ANO4: variants seen among roughly 807,000 people sequenced by gnomAD.
ANO4 encodes anoctamin 4, also known as anoctamin-4.
ANO4 carries 69 observed loss-of-function variants against 141.9 expected under a neutral mutation model. The ratio of observed to expected loss-of-function variants is 0.49; its 90% CI spans 0.40 to 0.59. The LOEUF is 0.59. Among genes scored for constraint, ANO4 ranks in the 20% least tolerant of loss-of-function variants. The probability of loss-of-function intolerance (pLI) is 0.00; values close to 1 mark genes in which losing one functional copy is unlikely to be tolerated. For synonymous variants in ANO4, 350 were observed against 394.3 expected (o/e 0.89, Z 1.33); for missense variants, 894 against 1,162.2 (o/e 0.77, Z 3.36).
chr12:100,974,352 A>G (rs942617306), intron 6 of ANO4, among the ~76,000 whole-genome samples: 1 of 151,334 alleles, frequency 6.6e-6, no homozygotes, highest in Non-Finnish European at 1.5e-5. Context: ...TGTGAAATAC[A>G]TATATATATA....
At chr12:100,833,030 A>G (rs1231377624) in intron 1 of ANO4, among the ~76,000 whole-genome samples, 1 of 152,148 alleles carries the variant, frequency 6.6e-6, no homozygotes, top group African/African-American at 2.4e-5. Context: ...AAGTAAAATA[A>G]GCATATTTAA....
At chr12:101,056,783 A>T (rs1469729858) in intron 14 of ANO4, among the ~76,000 whole-genome samples, 3 of 151,706 alleles carry the variant, frequency 2.0e-5, no homozygotes, top group African/African-American at 7.3e-5. Flanking sequence ...TGAGGGTTTT[A>T]AAAATCATGA....
At chr12:100,861,115 T>G (rs2038450816) in intron 1 of ANO4, among the ~76,000 whole-genome samples, 1 of 152,166 alleles carries the variant, frequency 6.6e-6, no homozygotes, top group Non-Finnish European at 1.5e-5. Flanking sequence ...TGCTGATTGG[T>G]CCGTTTTAGA....
At chr12:100,813,834 A>G (rs773149032) in intron 1 of ANO4, among the ~76,000 whole-genome samples, 1 of 152,228 alleles carries the variant, frequency 6.6e-6, no homozygotes, top group Non-Finnish European at 1.5e-5. Context: ...CTATAAGCTT[A>G]TGATGAAGTC....
chr12:101,075,754 A>T (rs1227675697), intron 14 of ANO4, among the ~76,000 whole-genome samples: 2 of 149,952 alleles, frequency 1.3e-5, no homozygotes, highest in Non-Finnish European at 3.0e-5. Flanking sequence ...TAACAAAAAT[A>T]TGTATAGCAT....
intron 17 of ANO4, among the ~76,000 whole-genome samples, chr12:101,088,568 C>G (rs1433491853): frequency 6.6e-6 from 1 of 151,826 alleles, no homozygotes; most frequent in Admixed American, 6.6e-5. Flanking sequence ...GTGTCTGGAA[C>G]AGGGCCTGGC....
At chr12:101,083,549 C>A in intron 15 of ANO4, 129 bp from the exon 16 acceptor site, 2 of 1,154,028 alleles carry the variant, frequency 1.7e-6, no homozygotes, top group South Asian at 1.6e-5. Context: ...GCACCCAAAC[C>A]CACTTCATTG....
chr12:100,817,988 A>G (rs6538972), intron 1 of ANO4, among the ~76,000 whole-genome samples: 1 of 151,330 alleles, frequency 6.6e-6, no homozygotes, highest in East Asian at 1.9e-4. Flanking sequence ...TGCAGAATTC[A>G]TCTAACTTTA....
At chr12:100,954,060 T>C (rs898427328) in intron 5 of ANO4, among the ~76,000 whole-genome samples, 2 of 152,144 alleles carry the variant, frequency 1.3e-5, no homozygotes, top group African/African-American at 4.8e-5. Context: ...TCAGTTGAAC[T>C]CTCATTCTGG....
intron 6 of ANO4, among the ~76,000 whole-genome samples, chr12:100,972,000 C>T (rs991360183): frequency 6.6e-6 from 1 of 152,128 alleles, no homozygotes. Context: ...ACCTTCATTT[C>T]ACAATGAATA....
At position 101,110,542 on chromosome 12, in the gene ANO4, G is replaced by C; in HGVS notation, c.2288G>C (p.Arg763Thr). The change falls in exon 23 of 28, where the codon AGG becomes ACG. Residue 763 changes from arginine (R) to threonine (T), a missense_variant. Around this residue, in one of 2 missense-constraint regions of ANO4, gnomAD observed 637 missense variants for 909.2 expected, o/e 0.70. Coordinates refer to ENST00000392977, the MANE Select transcript of ANO4 (RefSeq NM_001286615.2). ...CAGTGGAGGAGACCTTTAGCTTCAA[G>C]GGCCAAAGACATAGGTAAGTTGGAT... The part of the protein sequence containing the change: ...VTQWRRPLAS[R>T]AKDIGIWYGI... 6.3e-7 allele frequency: 1 copy of C among 1,594,004 alleles called. No individual in the cohort carries two copies.
At chr12:101,006,780 G>A (rs1378763865) in intron 8 of ANO4, among the ~76,000 whole-genome samples, 1 of 152,176 alleles carries the variant, frequency 6.6e-6, no homozygotes, top group South Asian at 2.1e-4. Context: ...CCTGCATGTT[G>A]TGGATTATAA....
intron 9 of ANO4, among the ~76,000 whole-genome samples, chr12:101,027,459 A>T (rs897420404): frequency 7.9e-5 from 12 of 152,184 alleles, no homozygotes; most frequent in African/African-American, 2.9e-4. Flanking sequence ...TGATAAGCTA[A>T]GCTCTCTGTG....
At chr12:100,917,178 C>T (rs2041382441) in intron 2 of ANO4, among the ~76,000 whole-genome samples, 1 of 152,062 alleles carries the variant, frequency 6.6e-6, no homozygotes, top group Non-Finnish European at 1.5e-5. Flanking sequence ...GATTTTGTAG[C>T]TATTCTTGAT....
intron 3 of ANO4, among the ~76,000 whole-genome samples, chr12:100,777,248 AAGTCC>A (rs1156499268): frequency 6.8e-6 from 1 of 146,158 alleles, no homozygotes; most frequent in African/African-American, 2.5e-5. Context: ...ATACACCACC[AAGTCC>A]AGCTAATTTT....
intron 5 of ANO4, among the ~76,000 whole-genome samples, chr12:100,958,142 C>T (rs149377832): frequency 1.3e-3 from 201 of 152,306 alleles, no homozygotes; most frequent in Non-Finnish European, 1.9e-3. Context: ...GGCAAAGCCC[C>T]GACCATGGTT....
intron 14 of ANO4, among the ~76,000 whole-genome samples, chr12:101,060,004 C>T (rs1009702837): frequency 1.2e-4 from 18 of 152,320 alleles, no homozygotes; most frequent in South Asian, 4.1e-4. Flanking sequence ...CCCGCTTTCT[C>T]CTGTGGGCAT....
chr12:100,775,741 A>C (rs1299721677), intron 3 of ANO4, among the ~76,000 whole-genome samples: 1 of 152,212 alleles, frequency 6.6e-6, no homozygotes, highest in Non-Finnish European at 1.5e-5. Flanking sequence ...CAGCCACTCC[A>C]AGGCTAGAAG....
At chr12:100,723,384 G>A (rs541504859) in intron 1 of ANO4, among the ~76,000 whole-genome samples, 2 of 152,218 alleles carry the variant, frequency 1.3e-5, no homozygotes, top group East Asian at 3.9e-4. Flanking sequence ...TTCCTGGCTT[G>A]TAGATAGTCA....
Sources: allele counts gnomAD v4.1 joint callset (sites outside exome capture counted in the v4.1 genomes callset), GRCh38; gene constraint gnomAD v4.1.1; regional missense constraint gnomAD v4.1.1; transcripts MANE v1.5; gene names NCBI Gene and HGNC (gene_info 2026-07-23, HGNC 2026-07-21).